Variants in KIF26B observed in about 807,000 individuals in gnomAD.
KIF26B encodes kinesin family member 26B.
In KIF26B, 63 loss-of-function variants were observed where a neutral mutation model predicts 151.2. The ratio of observed to expected loss-of-function variants is 0.42; its 90% CI spans 0.34 to 0.51. The LOEUF is 0.51. Among genes scored for constraint, KIF26B ranks in the 20% least tolerant of loss-of-function variants. KIF26B has a pLI of 0.07. For synonymous variants in KIF26B, 1,357 were observed against 1,262.1 expected (o/e 1.08, Z -1.59); for missense variants, 2,813 against 2,913.6 (o/e 0.97, Z 0.79).
chr1:245,401,466 T>C (rs1572043590), intron 3 of KIF26B, among the ~76,000 whole-genome samples: 1 of 152,368 alleles, frequency 6.6e-6, no homozygotes, highest in Non-Finnish European at 1.5e-5. Context: ...ACGTAAAGCA[T>C]GTTTTTATTA....
intron 12 of KIF26B, among the ~76,000 whole-genome samples, chr1:245,694,290 TTC>T (rs1030955753): frequency 6.6e-6 from 1 of 152,250 alleles, no homozygotes; most frequent in Non-Finnish European, 1.5e-5. Context: ...CACATTCTCT[TTC>T]TCTCTCTGCT....
chr1:245,679,457 G>GTGTTTT, intron 10 of KIF26B, among the ~76,000 whole-genome samples: 1 of 59,210 alleles, frequency 1.7e-5, no homozygotes, highest in Non-Finnish European at 3.2e-5. Context: ...TTTTGTGTGT[G>GTGTTTT]TTTTTTTTTT....
chr1:245,414,970 C>T (rs1405517842), intron 3 of KIF26B, among the ~76,000 whole-genome samples: 4 of 152,208 alleles, frequency 2.6e-5, no homozygotes, highest in Non-Finnish European at 5.9e-5. Flanking sequence ...GTTTCCAGCT[C>T]AACTTCCCTA....
At chr1:245,497,889 ATGTG>A (rs1660543889) in intron 4 of KIF26B, among the ~76,000 whole-genome samples, 2 of 152,182 alleles carry the variant, frequency 1.3e-5, no homozygotes, top group African/African-American at 4.8e-5. Flanking sequence ...GATTACAGGC[ATGTG>A]CCACCACACC....
intron 2 of KIF26B, among the ~76,000 whole-genome samples, chr1:245,297,204 G>C (rs184786346): frequency 6.6e-6 from 1 of 152,086 alleles, no homozygotes; most frequent in Admixed American, 6.6e-5. Context: ...TTAGCCGGTC[G>C]TGGTGGCACA....
At chr1:245,235,972 C>G (rs977056974) in intron 2 of KIF26B, among the ~76,000 whole-genome samples, 2 of 149,920 alleles carry the variant, frequency 1.3e-5, no homozygotes, top group African/African-American at 2.5e-5. Context: ...CTCTGTCACC[C>G]AGGCTGGAGG....
intron 4 of KIF26B, among the ~76,000 whole-genome samples, chr1:245,448,469 C>A (rs1659298126): frequency 6.6e-6 from 1 of 152,200 alleles, no homozygotes; most frequent in South Asian, 2.1e-4. Context: ...CTGGGCCTCC[C>A]AAAGTGCTGG....
At chr1:245,261,557 G>A (rs1037365461) in intron 2 of KIF26B, among the ~76,000 whole-genome samples, 7 of 114,652 alleles carry the variant, frequency 6.1e-5, no homozygotes, top group African/African-American at 1.4e-4. Flanking sequence ...CCCTCCCTCC[G>A]TCTGTCCCTC....
intron 2 of KIF26B, among the ~76,000 whole-genome samples, chr1:245,291,749 G>A (rs1671255791): frequency 6.6e-6 from 1 of 152,200 alleles, no homozygotes; most frequent in African/African-American, 2.4e-5. Flanking sequence ...TGGCATTTAA[G>A]CTGCGACCTA....
chr1:245,413,767 G>T (rs1391214315), intron 3 of KIF26B, among the ~76,000 whole-genome samples: 2 of 152,176 alleles, frequency 1.3e-5, no homozygotes, highest in Non-Finnish European at 2.9e-5. Context: ...GCAGGGAGGG[G>T]CTCTGAGGGC....
At chr1:245,444,623 A>G (rs1300410661) in intron 4 of KIF26B, among the ~76,000 whole-genome samples, 1 of 152,216 alleles carries the variant, frequency 6.6e-6, no homozygotes, top group African/African-American at 2.4e-5. Context: ...TTGATGAGCC[A>G]CCTTCAAACC....
At chr1:245,193,975 T>C (rs1669151687) in intron 2 of KIF26B, among the ~76,000 whole-genome samples, 1 of 152,218 alleles carries the variant, frequency 6.6e-6, no homozygotes, top group Non-Finnish European at 1.5e-5. Flanking sequence ...CCAGAAAGTT[T>C]CTTTTTGCTG....
chr1:245,426,196 TCTCCCTCCCTC>T, intron 4 of KIF26B, among the ~76,000 whole-genome samples: 1 of 152,000 alleles, frequency 6.6e-6, no homozygotes, highest in African/African-American at 2.4e-5. Flanking sequence ...CCTTCCTCTC[TCTCCCTCCCTC>T]CTCCCTCCCT....
intron 2 of KIF26B, among the ~76,000 whole-genome samples, chr1:245,363,848 C>A (rs1672877647): frequency 6.6e-6 from 1 of 152,172 alleles, no homozygotes. Flanking sequence ...TGATGTTGGG[C>A]CCAGCTGTGC....
chr1:245,521,201 G>C (rs990587469), intron 4 of KIF26B, among the ~76,000 whole-genome samples: 1 of 152,130 alleles, frequency 6.6e-6, no homozygotes, highest in Non-Finnish European at 1.5e-5. Context: ...GCCAGGTGTG[G>C]TGGCGAGCAC....
In KIF26B at chr1:245,239,193, G is replaced by A. The variant is rs763517518; in HGVS notation, c.465+82510G>A. Among the ~76,000 whole-genome samples the A allele has an allele frequency of 2.3e-4, 35 of 152,146 alleles. No individual in the cohort carries two copies. The highest frequency in any genetic ancestry group is 3.2e-3 in the Middle Eastern group (1 of 316). On this transcript the variant is annotated intron_variant, in intron 2 of 14. Transcript: ENST00000407071. This position sits in a 1 kb window ranked among gnomAD's most constrained non-coding sequence, Gnocchi z 4.3. ...GATGGACATGGGCAGGAGTTAACGC[G>A]TCCTCCAGAGAATGCCTCCATGTTC...
intron 3 of KIF26B, among the ~76,000 whole-genome samples, chr1:245,392,512 G>T (rs970677719): frequency 2.0e-5 from 3 of 152,108 alleles, no homozygotes; most frequent in African/African-American, 7.2e-5. Context: ...AGAGTTCTAG[G>T]TTAGATGTCA....
intron 2 of KIF26B, among the ~76,000 whole-genome samples, chr1:245,313,924 C>G (rs1671712171): frequency 6.6e-6 from 1 of 152,200 alleles, no homozygotes; most frequent in South Asian, 2.1e-4. Context: ...TGGCACCCCT[C>G]CTGTCATCTG....
chr1:245,186,075 A>G (rs1558337947), intron 2 of KIF26B, among the ~76,000 whole-genome samples: 1 of 152,036 alleles, frequency 6.6e-6, no homozygotes, highest in Non-Finnish European at 1.5e-5. Context: ...GGGTTTCACC[A>G]TGTTGGTCAG....
Sources: allele counts gnomAD v4.1 joint callset (sites outside exome capture counted in the v4.1 genomes callset), GRCh38; gene constraint gnomAD v4.1.1; non-coding constraint Gnocchi (gnomAD v3.1); transcripts MANE v1.5; gene names NCBI Gene and HGNC (gene_info 2026-07-23, HGNC 2026-07-21).